Variants in TNR observed in about 807,000 individuals in gnomAD.
The protein encoded by TNR is tenascin-R.
Under a neutral mutation model 150.4 loss-of-function variants are expected in TNR, and 45 were observed. The ratio of observed to expected loss-of-function variants is 0.30; its 90% CI spans 0.24 to 0.38. The LOEUF is 0.38. Among genes scored for constraint, TNR ranks in the 10% least tolerant of loss-of-function variants. The pLI is 1.00. For missense variants in TNR, 1,544 were observed against 1,759.1 expected (o/e 0.88, Z 2.19); for synonymous variants, 687 against 678.4 (o/e 1.01, Z -0.20).
chr1:175,683,985 C>T (rs766734535), intron 1 of TNR, among the ~76,000 whole-genome samples: 19 of 152,132 alleles, frequency 1.2e-4, no homozygotes, highest in Non-Finnish European at 2.1e-4. Context: ...CAGCCTGCTC[C>T]GGGAGCTGGG....
At chr1:175,430,501 C>G (rs1404840280) in intron 2 of TNR, among the ~76,000 whole-genome samples, 2 of 152,140 alleles carry the variant, frequency 1.3e-5, no homozygotes, top group Non-Finnish European at 2.9e-5. Flanking sequence ...CTCTCACTCC[C>G]ATCTCTATGC....
intron 1 of TNR, among the ~76,000 whole-genome samples, chr1:175,742,963 TACACACACAC>T (rs66777686): frequency 1.4e-5 from 2 of 147,818 alleles, no homozygotes; most frequent in African/African-American, 5.0e-5. Flanking sequence ...TATGCAACAG[TACACACACAC>T]ACACACACAC....
At chr1:175,691,519 C>G (rs1024341416) in intron 1 of TNR, among the ~76,000 whole-genome samples, 1 of 152,090 alleles carries the variant, frequency 6.6e-6, no homozygotes, top group Non-Finnish European at 1.5e-5. Context: ...TCTCTGGTCT[C>G]TCTACCCACT....
At chr1:175,606,829 G>T (rs1363192759) in intron 1 of TNR, among the ~76,000 whole-genome samples, 1 of 152,190 alleles carries the variant, frequency 6.6e-6, no homozygotes, top group East Asian at 1.9e-4. Context: ...ATAGATGGGG[G>T]AGTGTGAAAG....
In TNR at chr1:175,365,043, T is replaced by C. The variant is rs1374800822; in HGVS notation, c.2554A>G (p.Thr852Ala). ...ATGGAGCCCACAATGGGCTCAGAGG[T>C]CACTGTGCCATGGACAGCCACAAGG... The part of the protein sequence containing the change: ...VNLVAVHGTV[T>A]SEPIVGSITT... Residue 852 changes from threonine to alanine, a missense_variant, in exon 12 of 23, where the codon ACC becomes GCC. By Grantham distance (58) the Thr-to-Ala change is moderately conservative. Around this residue, in one of 2 missense-constraint regions of TNR, gnomAD observed 1,254 missense variants for 1,329.4 expected, o/e 0.94. Transcript: ENST00000367674. 1 of 1,613,638 alleles carries C rather than the reference T, an allele frequency of 6.2e-7. No individual in the cohort carries two copies. The highest frequency in any genetic ancestry group is 1.7e-5 in the Admixed American group (1 of 60,008).
At chr1:175,616,814 T>C (rs1463206912) in intron 1 of TNR, among the ~76,000 whole-genome samples, 1 of 152,204 alleles carries the variant, frequency 6.6e-6, no homozygotes, top group Non-Finnish European at 1.5e-5. Context: ...CAACCTCCTG[T>C]GTGGCTGACT....
At chr1:175,550,207 A>G (rs952089319) in intron 1 of TNR, among the ~76,000 whole-genome samples, 1 of 152,202 alleles carries the variant, frequency 6.6e-6, no homozygotes, top group African/African-American at 2.4e-5. Context: ...GTAGAGAGAC[A>G]AGTGCCTCTG....
At chr1:175,551,728 G>C (rs1212951530) in intron 1 of TNR, among the ~76,000 whole-genome samples, 1 of 152,210 alleles carries the variant, frequency 6.6e-6, no homozygotes, top group Non-Finnish European at 1.5e-5. Context: ...TAGAAGTGGA[G>C]AAATGTGATC....
At chr1:175,521,362 G>A (rs1210289776) in intron 2 of TNR, among the ~76,000 whole-genome samples, 1 of 152,164 alleles carries the variant, frequency 6.6e-6, no homozygotes, top group Non-Finnish European at 1.5e-5. Flanking sequence ...CACTCTGAAG[G>A]GTGTGATGTT....
At chr1:175,463,837 G>A (rs1656919047) in intron 2 of TNR, among the ~76,000 whole-genome samples, 1 of 152,198 alleles carries the variant, frequency 6.6e-6, no homozygotes, top group African/African-American at 2.4e-5. Context: ...CTGCTGCAAG[G>A]CAGAAATGAA....
At chr1:175,621,808 A>C (rs1663985230) in intron 1 of TNR, among the ~76,000 whole-genome samples, 1 of 152,208 alleles carries the variant, frequency 6.6e-6, no homozygotes, top group South Asian at 2.1e-4. Context: ...GTTTTGAATT[A>C]TGGCTGTCCT....
At chr1:175,559,096 T>C (rs1329444174) in intron 1 of TNR, among the ~76,000 whole-genome samples, 1 of 152,190 alleles carries the variant, frequency 6.6e-6, no homozygotes, top group Non-Finnish European at 1.5e-5. Context: ...ACTAAAAATC[T>C]ATTTTTTAAA....
intron 1 of TNR, among the ~76,000 whole-genome samples, chr1:175,641,301 A>G (rs2101881118): frequency 6.6e-6 from 1 of 152,210 alleles, no homozygotes; most frequent in East Asian, 1.9e-4. Flanking sequence ...GTTGGAGAGA[A>G]GGAGGGGAAA....
chr1:175,521,071 T>C (rs1389993700), intron 2 of TNR, among the ~76,000 whole-genome samples: 1 of 152,184 alleles, frequency 6.6e-6, no homozygotes, highest in Non-Finnish European at 1.5e-5. Context: ...GTTTGTGTCC[T>C]TTTCTTAAAA....
At chr1:175,535,991 A>G (rs1370947469) in intron 1 of TNR, among the ~76,000 whole-genome samples, 1 of 152,174 alleles carries the variant, frequency 6.6e-6, no homozygotes, top group Non-Finnish European at 1.5e-5. Flanking sequence ...ATCTCATTAC[A>G]GTTGTTGCAG....
At chr1:175,375,965 A>G (rs1455427762) in intron 9 of TNR, among the ~76,000 whole-genome samples, 2 of 152,200 alleles carry the variant, frequency 1.3e-5, no homozygotes, top group Non-Finnish European at 2.9e-5. Flanking sequence ...CAGGAAATTT[A>G]AGAAATTTGC....
At chr1:175,576,049 A>G (rs1430683228) in intron 1 of TNR, among the ~76,000 whole-genome samples, 2 of 152,202 alleles carry the variant, frequency 1.3e-5, no homozygotes, top group African/African-American at 2.4e-5. Flanking sequence ...TGCAGAAGGT[A>G]ATAACCCGTC....
At chr1:175,638,062 A>G (rs1192391544) in intron 1 of TNR, among the ~76,000 whole-genome samples, 1 of 152,182 alleles carries the variant, frequency 6.6e-6, no homozygotes, top group Non-Finnish European at 1.5e-5. Context: ...TCCTCTCTGC[A>G]GAAGCATACC....
Position 175,320,531 on chromosome 1 carries a change from A to C in TNR, c.*2826T>G, listed in dbSNP as rs374369621. On this transcript the variant is annotated 3_prime_UTR_variant, in exon 23 of 23. Transcript: ENST00000367674. ...CAATAAAAGGAAGATTTTTGTTTCC[A>C]CTGATGTTTCTTGACTTTCACCTGA... 6.6e-6 allele frequency: 1 copy of C among 152,116 alleles called. No homozygotes were observed. The highest frequency in any genetic ancestry group is 2.4e-5 in the African/African-American group (1 of 41,426). The allele number at this position is 152,116 out of a possible 1,614,324, so 9.4% of individuals were successfully genotyped here.
Sources: allele counts gnomAD v4.1 joint callset (sites outside exome capture counted in the v4.1 genomes callset), GRCh38; gene constraint gnomAD v4.1.1; regional missense constraint gnomAD v4.1.1; transcripts MANE v1.5; gene names NCBI Gene and HGNC (gene_info 2026-07-23, HGNC 2026-07-21).